RELA: variants seen among roughly 807,000 people sequenced by gnomAD.
The protein encoded by RELA is RELA proto-oncogene, NF-kB subunit.
RELA carries 14 observed loss-of-function variants against 56.7 expected under a neutral mutation model. The observed-to-expected ratio is 0.25, with a 90% CI of 0.16 to 0.39. The LOEUF is 0.39. RELA is among the 10% of genes least tolerant of loss of function. The pLI, the probability that RELA is intolerant of heterozygous loss-of-function variation, is 1.00. For synonymous variants in RELA, 315 were observed against 289.7 expected, an observed-to-expected ratio of 1.09 and a Z score of -0.89; for missense variants, 559 against 736.4, an observed-to-expected ratio of 0.76 and a Z score of 2.79.
intron 4 of RELA, chr11:65,661,396 GT>G (rs2135570412): frequency 6.0e-6 from 2 of 331,952 alleles, no homozygotes; most frequent in Non-Finnish European, 1.1e-5. Flanking sequence ...TGGTTCAATG[GT>G]TTTCTTCCTC....
Position 65,659,752 on chromosome 11 carries a change from C to T in RELA, c.473G>A (p.Arg158Gln), listed in dbSNP as rs375925395. 3 of 1,613,776 alleles carry T rather than the reference C, an allele frequency of 1.9e-6. No homozygotes were observed. Among genetic ancestry groups the T allele is most frequent in the East Asian group, 2.2e-5 (1 of 44,898 alleles). Residue 158 changes from arginine (R) to glutamine (Q), a missense_variant, in exon 6 of 11, where the codon CGG becomes CAG. Physicochemically the swap from Arg to Gln is conservative, Grantham distance 43. Coordinates refer to ENST00000406246, the MANE Select transcript of RELA (RefSeq NM_021975.4). ...QRGDYDLNAV[R>Q]LCFQVTVRDP... is the part of the protein sequence containing the mutation. Reference sequence around the variant, plus strand: ...CCGCACTGTCACCTGGAAGCAGAGCCGCACAGCATTCAGGTCGTAGTCCCC... The same window carrying T: ...CCGCACTGTCACCTGGAAGCAGAGCTGCACAGCATTCAGGTCGTAGTCCCC...
chr11:65,661,020 A>G (rs1462485568), intron 4 of RELA, among the ~76,000 whole-genome samples: 1 of 147,936 alleles, frequency 6.8e-6, no homozygotes, highest in Non-Finnish European at 1.5e-5. Flanking sequence ...GTCTGGGGAC[A>G]GAGCAAGACT....
intron 9 of RELA, 39 bp from the exon 10 acceptor site, chr11:65,655,801 T>C (rs1856410330): frequency 6.2e-7 from 1 of 1,612,206 alleles, no homozygotes; most frequent in Non-Finnish European, 8.5e-7. Context: ...AGCCCCAGGG[T>C]GTCCCCTCCC....
Position 65,654,311 on chromosome 11 carries a change from G to A in RELA, c.*67C>T, listed in dbSNP as rs760283716. 46 of 1,604,690 alleles carry A rather than the reference G, an allele frequency of 2.9e-5. No individual in the cohort carries two copies. Among genetic ancestry groups the A allele is most frequent in the African/African-American group, 1.3e-4 (10 of 74,800 alleles). ...GTTGGAACACACCCCACCAGAATCC[G>A]TAAGTGCTTTTGGAGGGCTTCAATC... On this transcript the variant is annotated 3_prime_UTR_variant, in exon 11 of 11. Transcript: ENST00000406246.
rs1466629537 is a variant in RELA, at chr11:65,655,857, C to T, written c.956G>A (p.Ser319Asn). 1 of 1,613,950 alleles carries T rather than the reference C, an allele frequency of 6.2e-7. No homozygotes were observed. The highest frequency in any genetic ancestry group is 1.3e-5 in the African/African-American group (1 of 74,908). The stretch of plus-strand genomic sequence containing the variant: ...GGCTTTCCCAGTCCCCATCTCACCG[C>T]TGAAAGGACTCTTCTTCATGATGCT... ...FKSIMKKSPF[S>N]GPTDPRPPPR... is the part of the protein sequence containing the mutation. Residue 319 changes from serine to asparagine, a missense_variant and splice_region_variant, in exon 9 of 11, where the codon AGC becomes AAC. By Grantham distance (46) the Ser-to-Asn change is conservative. Transcript: ENST00000406246.
At chr11:65,662,458 A>C in intron 1 of RELA, 1 of 496,410 alleles carries the variant, frequency 2.0e-6, no homozygotes, top group Non-Finnish European at 3.5e-6. Flanking sequence ...TACTTTCTTA[A>C]GGAAAATTGA....
Position 65,655,002 on chromosome 11 carries a change from T to TGGAGGAGAGAGACAGAGAGGCAG in RELA, c.1034-25_1034-3dup. ...ACGTAAAGGGATAGGGCTGGGGTGC[T>TGGAGGAGAGAGACAGAGAGGCAG]GGAGGAGAGAGACAGAGAGGCAGGG... is the stretch of plus-strand genomic sequence containing the variant. On this transcript the variant is annotated splice_region_variant and splice_polypyrimidine_tract_variant and intron_variant, in intron 10 of 10. Transcript: ENST00000406246. 2 of 1,593,158 alleles carry TGGAGGAGAGAGACAGAGAGGCAG rather than the reference T, an allele frequency of 1.3e-6. No homozygotes were observed. Among genetic ancestry groups the TGGAGGAGAGAGACAGAGAGGCAG allele is most frequent in the Non-Finnish European group, 1.7e-6 (2 of 1,170,488 alleles).
rs1434287284 is a variant in RELA, at chr11:65,655,226, C to T, written c.1034-226G>A. On this transcript the variant is annotated intron_variant, in intron 10 of 10. Transcript: ENST00000406246. ...TCCCTGACTACTCAAGCCCACGAAA[C>T]TCTTCCAGCCTTTTAGAGGAAGGGA... is the stretch of plus-strand genomic sequence containing the variant. 6.8e-6 allele frequency: 4 copies of T among 583,984 alleles called. No homozygotes were observed. The African/African-American group carries it at 7.5e-5, about 11-fold the overall frequency. 36.2% of individuals were successfully genotyped at this position (583,984 alleles called of 1,614,324 possible). A position where few individuals can be genotyped will look rare whatever the true frequency, so the allele number is the denominator to read the frequency against.
At chr11:65,662,787 C>G in intron 1 of RELA, 39 bp downstream of exon 1, 3 of 1,197,262 alleles carry the variant, frequency 2.5e-6, no homozygotes, top group Non-Finnish European at 3.1e-6. Context: ...CGCGGCGGCC[C>G]CGGCGATGCC....
intron 6 of RELA, 91 bp downstream of exon 6, chr11:65,659,575 A>G (rs1590936676): frequency 1.3e-6 from 2 of 1,490,562 alleles, no homozygotes; most frequent in East Asian, 4.5e-5. Flanking sequence ...GAATGAAGCC[A>G]GAGCGCCTCT....
At chr11:65,655,823 T>C (rs781193232) in intron 9 of RELA, 32 bp downstream of exon 9, 2 of 1,613,508 alleles carry the variant, frequency 1.2e-6, no homozygotes, top group South Asian at 1.1e-5. Flanking sequence ...GCCCGCTGCC[T>C]TCCTCTCTGG....
In RELA at chr11:65,658,923, G is replaced by T. The variant is rs1856495791; in HGVS notation, c.560-101C>A. The T allele has an allele frequency of 4.2e-6, 4 of 963,576 alleles. No homozygotes were observed. Among genetic ancestry groups the T allele is most frequent in the Admixed American group, 1.8e-5 (1 of 55,204 alleles). The allele number at this position is 963,576 out of a possible 1,614,324, so 59.7% of individuals were successfully genotyped here. Reference sequence around the variant, plus strand: ...CCCTGCCCAGCCCAGAGTCAAGGTTGCCCAGAGCTTGCCACCTACACCTTT... The same window carrying T: ...CCCTGCCCAGCCCAGAGTCAAGGTTTCCCAGAGCTTGCCACCTACACCTTT... On this transcript the variant is annotated intron_variant, in intron 6 of 10. Transcript: ENST00000406246. This position sits in a 1 kb window ranked among gnomAD's most constrained non-coding sequence, Gnocchi z 4.5.
Position 65,654,454 on chromosome 11 carries a change from A to C in RELA, c.1580T>G (p.Leu527Arg). 1.2e-6 allele frequency: 2 copies of C among 1,608,836 alleles called. No individual in the cohort carries two copies. Among genetic ancestry groups the C allele is most frequent in the Non-Finnish European group, 1.7e-6 (2 of 1,177,938 alleles). ...GGAGAAGTCTTCATCTCCTGAAAGG[A>C]GGCCATTGGGGAGCCCCGGGGCCCC... The part of the protein sequence containing the change: ...PLGAPGLPNG[L>R]LSGDEDFSSI... Residue 527 changes from leucine to arginine, a missense_variant, in exon 11 of 11, where the codon CTC (leucine) becomes CGC (arginine). By Grantham distance (102) the Leu-to-Arg change is moderately radical. This residue lies in a region of RELA where 365 missense variants were observed against 387.5 expected (regional missense o/e 0.94). Transcript: ENST00000406246.
At chr11:65,660,302 C>G in intron 4 of RELA, 87 bp from the exon 5 acceptor site, 1 of 1,215,722 alleles carries the variant, frequency 8.2e-7, no homozygotes, top group Non-Finnish European at 1.2e-6. Context: ...CTACTCTGCC[C>G]ACCCCTAGAT....
intron 10 of RELA, 56 bp from the exon 11 acceptor site, chr11:65,655,056 G>A (rs191830935): frequency 7.2e-6 from 10 of 1,391,204 alleles, no homozygotes; most frequent in Admixed American, 5.9e-5. Flanking sequence ...GATCCACCCC[G>A]TCCTCTGTAC....
In RELA at chr11:65,654,185, G is replaced by T; in HGVS notation, c.*193C>A. The T allele has an allele frequency of 1.3e-6, 1 of 771,116 alleles. No individual in the cohort carries two copies. Among genetic ancestry groups the T allele is most frequent in the Non-Finnish European group, 2.2e-6 (1 of 449,290 alleles). 47.8% of individuals were successfully genotyped at this position (771,116 alleles called of 1,614,324 possible). ...CCTTTCCAGAGAAGTTAATGCTTCT[G>T]CTTAAGCACCTCCAAAAAGAGAGAG... On this transcript the variant is annotated 3_prime_UTR_variant, in exon 11 of 11. Transcript: ENST00000406246.
rs1856517107 is a variant in RELA at position 65,659,734 on chromosome 11, G to A, written c.491C>T (p.Thr164Ile). ...LNAVRLCFQV[T>I]VRDPSGRPLR... ...GGGCCTGCCTGATGGGTCCCGCACT[G>A]TCACCTGGAAGCAGAGCCGCACAGC... The change falls in exon 6 of 11, where the codon ACA (threonine) becomes ATA (isoleucine). Residue 164 changes from threonine (T) to isoleucine (I), a missense_variant. Thr to Ile is a moderately conservative substitution (Grantham distance 89). Coordinates refer to ENST00000406246, the MANE Select transcript of RELA (RefSeq NM_021975.4). The A allele has an allele frequency of 4.3e-6, 7 of 1,613,974 alleles. No homozygotes were observed. Among genetic ancestry groups the A allele is most frequent in the Non-Finnish European group, 5.9e-6 (7 of 1,180,006 alleles).
chr11:65,662,737 A>G, intron 1 of RELA, 89 bp downstream of exon 1: 1 of 1,040,136 alleles, frequency 9.6e-7, no homozygotes. Context: ...CCGTCGGCGC[A>G]GGAAGGGGCG....
At position 65,662,682 on chromosome 11, in the gene RELA, G is replaced by T. The variant is rs1271469508; in HGVS notation, c.7+144C>A. 5 of 579,094 alleles carry T rather than the reference G, an allele frequency of 8.6e-6. No homozygotes were observed. In the Admixed American group the frequency reaches 1.4e-4, roughly 16 times the overall value. The allele number at this position is 579,094 out of a possible 1,614,324, so 35.9% of individuals were successfully genotyped here. On this transcript the variant is annotated intron_variant, in intron 1 of 10. Coordinates refer to ENST00000406246, the MANE Select transcript of RELA (RefSeq NM_021975.4). The stretch of plus-strand genomic sequence containing the variant: ...AGTCAGACCCCTCCCCGCCTGCCCC[G>T]CCCCGCGCCACCATCCGGCAGGCCG...
Sources: gnomAD v4.1 joint callset for allele counts (sites outside exome capture counted in the v4.1 genomes callset) on GRCh38, gnomAD v4.1.1 for gene constraint, gnomAD v4.1.1 regional missense constraint, Gnocchi (gnomAD v3.1) non-coding constraint, MANE v1.5 for transcripts, NCBI Gene and HGNC (gene_info 2026-07-23, HGNC 2026-07-21) for gene names.